The following UTRN variants were observed in gnomAD, a reference collection of about 807,000 sequenced individuals.
UTRN encodes utrophin.
Under a neutral mutation model 463.9 loss-of-function variants are expected in UTRN, and 283 were observed. The ratio of observed to expected loss-of-function variants is 0.61; its 90% CI spans 0.55 to 0.67. The LOEUF (loss-of-function observed/expected upper bound fraction) is 0.67. UTRN is among the 30% of genes least tolerant of loss of function. UTRN has a pLI of 0.00. For missense variants in UTRN, 3,922 were observed against 4,084.3 expected (o/e 0.96, Z 1.08); for synonymous variants, 1,442 against 1,431.5 (o/e 1.01, Z -0.17).
chr6:144,752,777 G>A (rs544628845), intron 56 of UTRN, among the ~76,000 whole-genome samples: 2 of 151,780 alleles, frequency 1.3e-5, no homozygotes, highest in Non-Finnish European at 2.9e-5. Context: ...TTATCTTCAT[G>A]TGATGATTCT....
intron 53 of UTRN, among the ~76,000 whole-genome samples, chr6:144,725,237 A>T (rs991789462): frequency 2.6e-5 from 4 of 152,222 alleles, no homozygotes; most frequent in South Asian, 2.1e-4. Flanking sequence ...GCCTCCCGCC[A>T]TGTAAGACGT....
chr6:144,511,132 C>T lies in UTRN; in HGVS notation c.4944+9C>T, dbSNP rs1246728517. The T allele has an allele frequency of 2.0e-6, 3 of 1,521,146 alleles. No individual in the cohort carries two copies. Among genetic ancestry groups the T allele is most frequent in the African/African-American group, 2.8e-5 (2 of 71,414 alleles). The allele number at this position is 1,521,146 out of a possible 1,614,324, so 94.2% of individuals were successfully genotyped here. A position where few individuals can be genotyped will look rare whatever the true frequency, so the allele number is the denominator to read the frequency against. On this transcript the variant is annotated intron_variant, in intron 35 of 74. Coordinates refer to ENST00000367545, the MANE Select transcript of UTRN (RefSeq NM_007124.3). ...GGTGCAATACCTTGATGGTATGTCTCAGGAAAAAGTAAATGATGAAATCTT... is the reference window on the plus strand; with the variant it reads ...GGTGCAATACCTTGATGGTATGTCTTAGGAAAAAGTAAATGATGAAATCTT...
intron 62 of UTRN, among the ~76,000 whole-genome samples, chr6:144,792,334 G>T (rs997793431): frequency 6.6e-6 from 1 of 152,186 alleles, no homozygotes; most frequent in Non-Finnish European, 1.5e-5. Context: ...GATCAACTGT[G>T]ATCGGGAGTT....
chr6:144,544,569 CTG>C (rs1292883717), intron 46 of UTRN, among the ~76,000 whole-genome samples: 1 of 152,110 alleles, frequency 6.6e-6, no homozygotes, highest in African/African-American at 2.4e-5. Flanking sequence ...ACCTTGCCGA[CTG>C]TACTCATTTC....
At chr6:144,741,775 T>C (rs1435086513) in intron 54 of UTRN, among the ~76,000 whole-genome samples, 2 of 152,202 alleles carry the variant, frequency 1.3e-5, no homozygotes, top group East Asian at 1.9e-4. Context: ...TTCCTGCTTC[T>C]TTCCTTGGAG....
chr6:144,473,578 G>T (rs900810801), intron 23 of UTRN, 142 bp from the exon 24 acceptor site: 4 of 534,844 alleles, frequency 7.5e-6, no homozygotes, highest in Non-Finnish European at 9.8e-6. Context: ...AATTTGGAAG[G>T]TTTAGAAAAA....
intron 51 of UTRN, among the ~76,000 whole-genome samples, chr6:144,631,481 A>G (rs1161897872): frequency 1.3e-5 from 2 of 152,192 alleles, no homozygotes; most frequent in Non-Finnish European, 2.9e-5. Context: ...CATTCTTTAA[A>G]TTCCAAAAAT....
At chr6:144,565,810 G>A (rs1800352799) in intron 50 of UTRN, among the ~76,000 whole-genome samples, 1 of 152,160 alleles carries the variant, frequency 6.6e-6, no homozygotes, top group Non-Finnish European at 1.5e-5. Context: ...AGATGAAGGT[G>A]AAGAAGTAGA....
intron 2 of UTRN, among the ~76,000 whole-genome samples, chr6:144,356,741 A>G (rs1449677515): frequency 6.6e-6 from 1 of 152,080 alleles, no homozygotes; most frequent in African/African-American, 2.4e-5. Context: ...TGAATCTGGG[A>G]GGTGGAGGCA....
In UTRN at chr6:144,426,336, G is replaced by C; in HGVS notation, c.455G>C (p.Ser152Thr). 2.5e-6 allele frequency: 4 copies of C among 1,614,150 alleles called. No individual in the cohort carries two copies. The highest frequency in any genetic ancestry group is 3.4e-6 in the Non-Finnish European group (4 of 1,180,006). ...DVMSDLQQTN[S>T]EKILLSWVRQ... Reference sequence around the variant, plus strand: ...ATGTCGGACCTGCAGCAGACGAACAGTGAGAAGATCCTGCTCAGCTGGGTG... The same window carrying C: ...ATGTCGGACCTGCAGCAGACGAACACTGAGAAGATCCTGCTCAGCTGGGTG... The change falls in exon 7 of 75, where the codon AGT (serine) becomes ACT (threonine). Residue 152 changes from serine to threonine, a missense_variant. Transcript: ENST00000367545.
At chr6:144,400,809 T>C (rs1782877416) in intron 2 of UTRN, among the ~76,000 whole-genome samples, 1 of 152,214 alleles carries the variant, frequency 6.6e-6, no homozygotes, top group Non-Finnish European at 1.5e-5. Context: ...TACTTAGACT[T>C]ATATTCTGAC....
chr6:144,351,150 T>G (rs1479450421), intron 2 of UTRN, among the ~76,000 whole-genome samples: 1 of 152,222 alleles, frequency 6.6e-6, no homozygotes, highest in Non-Finnish European at 1.5e-5. Context: ...CCTCCTGTTT[T>G]GGGGCTGTTG....
chr6:144,826,050 T>C (rs995379759), intron 66 of UTRN, among the ~76,000 whole-genome samples: 28 of 150,336 alleles, frequency 1.9e-4, no homozygotes, highest in Middle Eastern at 3.4e-3. Flanking sequence ...TAATGCTAAA[T>C]GATGAGTTAA....
chr6:144,575,224 T>C (rs545598344), intron 50 of UTRN, among the ~76,000 whole-genome samples: 3 of 152,170 alleles, frequency 2.0e-5, no homozygotes, highest in East Asian at 3.9e-4. Context: ...TTTTTTAAAA[T>C]GATATGTTAA....
At chr6:144,713,117 A>G (rs1586163456) in intron 53 of UTRN, among the ~76,000 whole-genome samples, 1 of 152,180 alleles carries the variant, frequency 6.6e-6, no homozygotes, top group African/African-American at 2.4e-5. Context: ...TTTGCATTAC[A>G]CTTACCAGGT....
intron 58 of UTRN, among the ~76,000 whole-genome samples, chr6:144,763,928 C>G (rs1398727344): frequency 6.6e-6 from 1 of 152,076 alleles, no homozygotes; most frequent in Non-Finnish European, 1.5e-5. Context: ...CTTTTTGGTT[C>G]CAGTTTTTTA....
At chr6:144,521,366 G>A (rs560153245) in intron 39 of UTRN, among the ~76,000 whole-genome samples, 40 of 152,142 alleles carry the variant, frequency 2.6e-4, no homozygotes, top group Non-Finnish European at 4.4e-4. Flanking sequence ...CAGATGAGTA[G>A]TCCATAGAGC....
intron 3 of UTRN, among the ~76,000 whole-genome samples, chr6:144,409,104 T>C (rs1783663081): frequency 6.6e-6 from 1 of 152,214 alleles, no homozygotes; most frequent in African/African-American, 2.4e-5. Context: ...AAGAAAACAA[T>C]AAAATGTACT....
chr6:144,308,954 A>G (rs750263077), intron 2 of UTRN, among the ~76,000 whole-genome samples: 1 of 152,094 alleles, frequency 6.6e-6, no homozygotes, highest in Non-Finnish European at 1.5e-5. Context: ...TCTTAAGACC[A>G]CTCAAATCAG....
Sources: gnomAD v4.1 joint callset for allele counts (sites outside exome capture counted in the v4.1 genomes callset) on GRCh38, gnomAD v4.1.1 for gene constraint, MANE v1.5 for transcripts, NCBI Gene and HGNC (gene_info 2026-07-23, HGNC 2026-07-21) for gene names.